ARHGAP31: variants seen among roughly 807,000 people sequenced by gnomAD.
The protein encoded by ARHGAP31 is rho GTPase-activating protein 31.
Under a neutral mutation model 113.9 loss-of-function variants are expected in ARHGAP31, and 34 were observed. The ratio of observed to expected loss-of-function variants is 0.30; its 90% CI spans 0.23 to 0.40. The LOEUF (loss-of-function observed/expected upper bound fraction) is 0.40. Among genes scored for constraint, ARHGAP31 ranks in the 10% least tolerant of loss-of-function variants. The pLI, the probability that ARHGAP31 is intolerant of heterozygous loss-of-function variation, is 1.00. For synonymous variants in ARHGAP31, 650 were observed against 684.8 expected (o/e 0.95, Z 0.79); for missense variants, 1,548 against 1,767.1 (o/e 0.88, Z 2.22).
At chr3:119,359,372 T>G (rs954534302) in intron 1 of ARHGAP31, among the ~76,000 whole-genome samples, 3 of 151,916 alleles carry the variant, frequency 2.0e-5, no homozygotes, top group Non-Finnish European at 4.4e-5. Context: ...GAAACTTTTC[T>G]CCAAGGAGGA....
intron 2 of ARHGAP31, among the ~76,000 whole-genome samples, chr3:119,366,422 G>C (rs561261940): frequency 6.6e-6 from 1 of 151,806 alleles, no homozygotes; most frequent in South Asian, 2.1e-4. Context: ...AAAAAATAGA[G>C]CATCTTTTTT....
rs1208305063 is a variant in ARHGAP31, at chr3:119,414,152, T to C, written c.2223T>C (p.Pro741=). 2 of 1,614,140 alleles carry C rather than the reference T, an allele frequency of 1.2e-6. No individual in the cohort carries two copies. Among genetic ancestry groups the C allele is most frequent in the Middle Eastern group, 1.6e-4 (1 of 6,062 alleles). Residue 741 remains proline, a synonymous_variant, in exon 12 of 12, where the codon CCT becomes CCC. Transcript: ENST00000264245. ...STAASREKPE[P]EQGLHPDLAS... ...CAGCCAGCAGAGAGAAGCCGGAACC[T>C]GAGCAGGGCCTGCACCCAGACCTCG...
intron 6 of ARHGAP31, among the ~76,000 whole-genome samples, chr3:119,384,544 G>A (rs748979579): frequency 4.6e-5 from 7 of 152,264 alleles, no homozygotes; most frequent in South Asian, 2.1e-4. Flanking sequence ...TTCTTTCTGC[G>A]TCCTCCTATG....
At chr3:119,362,767 TAA>T (rs746820025) in intron 1 of ARHGAP31, among the ~76,000 whole-genome samples, 20 of 119,282 alleles carry the variant, frequency 1.7e-4, no homozygotes, top group East Asian at 2.7e-4. Flanking sequence ...AAACTCTGTC[TAA>T]AAAAAAAAAA....
chr3:119,306,480 C>G (rs554602306), intron 1 of ARHGAP31, among the ~76,000 whole-genome samples: 1 of 152,292 alleles, frequency 6.6e-6, no homozygotes, highest in Non-Finnish European at 1.5e-5. Context: ...TTGCTTGAAC[C>G]TGGGAGGTGG....
chr3:119,380,945 A>C lies in ARHGAP31; in HGVS notation c.390A>C (p.Arg130=), dbSNP rs1036736187. Reference sequence around the variant, plus strand: ...GCCCTGAAGAAGGCCAACTGGCCCGAATCCAAAATGTTATCCAGGAGCTTC... The same window carrying C: ...GCCCTGAAGAAGGCCAACTGGCCCGCATCCAAAATGTTATCCAGGAGCTTC... The part of the protein sequence containing the change: ...SHCPEEGQLA[R]IQNVIQELPP... Residue 130 remains arginine (R), a synonymous_variant, in exon 4 of 12, where the codon CGA becomes CGC. Transcript: ENST00000264245. The C allele has an allele frequency of 6.2e-7, 1 of 1,614,204 alleles. No homozygotes were observed. Among genetic ancestry groups the C allele is most frequent in the Non-Finnish European group, 8.5e-7 (1 of 1,180,014 alleles).
At chr3:119,302,725 T>G (rs1380722121) in intron 1 of ARHGAP31, among the ~76,000 whole-genome samples, 2 of 152,244 alleles carry the variant, frequency 1.3e-5, no homozygotes, top group Non-Finnish European at 2.9e-5. Context: ...AAGATCTGTA[T>G]GACTCCTAAG....
chr3:119,316,910 T>A (rs1447031503), intron 1 of ARHGAP31, among the ~76,000 whole-genome samples: 1 of 152,228 alleles, frequency 6.6e-6, no homozygotes, highest in Non-Finnish European at 1.5e-5. Flanking sequence ...GTGCCGCAGG[T>A]CACCCACCCA....
intron 8 of ARHGAP31, among the ~76,000 whole-genome samples, chr3:119,395,571 T>G (rs2080544024): frequency 6.6e-6 from 1 of 152,182 alleles, no homozygotes. Context: ...AAAGAACATT[T>G]CTGGTAGCTT....
Position 119,415,453 on chromosome 3 carries a change from G to A in ARHGAP31, c.3524G>A (p.Arg1175His), listed in dbSNP as rs1020868632. The A allele has an allele frequency of 1.5e-5, 24 of 1,613,876 alleles. No homozygotes were observed. Among genetic ancestry groups the A allele is most frequent in the East Asian group, 8.9e-5 (4 of 44,888 alleles). ...ATTGTTGCTCATGCACTGACAGGCCGCCGTAACTCAGCTCCTGTGAGTGTG... is the reference window on the plus strand; with the variant it reads ...ATTGTTGCTCATGCACTGACAGGCCACCGTAACTCAGCTCCTGTGAGTGTG... ...LDIVAHALTGRRNSAPVSVSA... is the reference protein window; with the variant it reads ...LDIVAHALTGHRNSAPVSVSA... Residue 1175 changes from arginine to histidine, a missense_variant, in exon 12 of 12, where the codon CGC becomes CAC. By Grantham distance (29) the Arg-to-His change is conservative. Coordinates refer to ENST00000264245, the MANE Select transcript of ARHGAP31 (RefSeq NM_020754.4).
chr3:119,296,159 C>A (rs1475861886), intron 1 of ARHGAP31, among the ~76,000 whole-genome samples: 1 of 152,160 alleles, frequency 6.6e-6, no homozygotes, highest in East Asian at 1.9e-4. Context: ...GCTTTTGTTT[C>A]ACTTCTGTGT....
intron 1 of ARHGAP31, among the ~76,000 whole-genome samples, chr3:119,360,547 C>T (rs564417633): frequency 7.2e-5 from 11 of 152,142 alleles, no homozygotes; most frequent in Non-Finnish European, 1.5e-4. Context: ...GGGGTGACTT[C>T]GAGAAATGTT....
intron 1 of ARHGAP31, among the ~76,000 whole-genome samples, chr3:119,330,238 T>A (rs1443124003): frequency 6.6e-6 from 1 of 152,228 alleles, no homozygotes; most frequent in Non-Finnish European, 1.5e-5. Flanking sequence ...TCAATTCAGC[T>A]ATCCTAGAGA....
chr3:119,299,023 C>T (rs540075775), intron 1 of ARHGAP31: 2 of 176,626 alleles, frequency 1.1e-5, no homozygotes, highest in South Asian at 2.9e-4. Flanking sequence ...GGAGTTGAGT[C>T]CTTAAGGGCT....
At chr3:119,365,099 A>C (rs893594024) in intron 1 of ARHGAP31, among the ~76,000 whole-genome samples, 7 of 152,180 alleles carry the variant, frequency 4.6e-5, no homozygotes, top group Admixed American at 1.3e-4. Context: ...AAAGCAAAAC[A>C]AAACAAAAAA....
chr3:119,370,241 C>G (rs9850850), intron 3 of ARHGAP31, among the ~76,000 whole-genome samples: 2,059 of 152,160 alleles, frequency 0.014, 45 homozygotes, highest in African/African-American at 0.047. Flanking sequence ...ATCACTTTCA[C>G]CATATGTAAG....
At chr3:119,349,608 T>C (rs2080093001) in intron 1 of ARHGAP31, among the ~76,000 whole-genome samples, 1 of 152,128 alleles carries the variant, frequency 6.6e-6, no homozygotes, top group Admixed American at 6.5e-5. Flanking sequence ...TAGATCTGTG[T>C]TTTCAAAAGC....
chr3:119,382,621 C>T (rs1421643055), intron 5 of ARHGAP31, among the ~76,000 whole-genome samples: 1 of 152,230 alleles, frequency 6.6e-6, no homozygotes, highest in Non-Finnish European at 1.5e-5. Context: ...TTTTTGGCTA[C>T]AGCTACAATA....
At position 119,409,779 on chromosome 3, in the gene ARHGAP31, A is replaced by G. The variant is rs2080700176; in HGVS notation, c.1926+3A>G. The stretch of plus-strand genomic sequence containing the variant: ...AAGCTGTGCTTCTCCATGAGATGGT[A>G]AAGTGCATTCTCCACCTGCTCCAGC... On this transcript the variant is annotated splice_donor_region_variant and intron_variant, in intron 11 of 11. Coordinates refer to ENST00000264245, the MANE Select transcript of ARHGAP31 (RefSeq NM_020754.4). The G allele has an allele frequency of 6.3e-7, 1 of 1,599,192 alleles. No individual in the cohort carries two copies. Among genetic ancestry groups the G allele is most frequent in the Non-Finnish European group, 8.5e-7 (1 of 1,173,364 alleles).
Sources: gnomAD v4.1 joint callset for allele counts (sites outside exome capture counted in the v4.1 genomes callset) on GRCh38, gnomAD v4.1.1 for gene constraint, MANE v1.5 for transcripts, NCBI Gene and HGNC (gene_info 2026-07-23, HGNC 2026-07-21) for gene names.